The following NHSL1 variants were observed in gnomAD, a reference collection of about 807,000 sequenced individuals.
NHSL1 encodes NHS like 1, also known as NHS-like protein 1.
NHSL1 carries 48 observed loss-of-function variants against 95.0 expected under a neutral mutation model. The ratio of observed to expected loss-of-function variants is 0.51; its 90% confidence interval spans 0.40 to 0.64. The LOEUF is 0.64. Among genes scored for constraint, NHSL1 ranks in the 30% least tolerant of loss-of-function variants. The probability of loss-of-function intolerance (pLI) is 0.00; values close to 1 mark genes in which losing one functional copy is unlikely to be tolerated. For synonymous variants in NHSL1, 783 were observed against 833.9 expected (o/e 0.94, Z 1.05); for missense variants, 1,971 against 2,077.7 (o/e 0.95, Z 1.00).
At chr6:138,439,520 TG>T (rs1776394046) in intron 5 of NHSL1, among the ~76,000 whole-genome samples, 1 of 152,238 alleles carries the variant, frequency 6.6e-6, no homozygotes, top group African/African-American at 2.4e-5. Context: ...CCAGAAGTCC[TG>T]AAAGGACAGA....
chr6:138,577,869 C>T (rs975082072), intron 1 of NHSL1, among the ~76,000 whole-genome samples: 4 of 152,124 alleles, frequency 2.6e-5, no homozygotes, highest in Non-Finnish European at 5.9e-5. Context: ...AACAACCAAA[C>T]GGTATTACCC....
At chr6:138,602,771 C>T (rs989388031) in intron 1 of NHSL1, among the ~76,000 whole-genome samples, 1 of 152,158 alleles carries the variant, frequency 6.6e-6, no homozygotes, top group Non-Finnish European at 1.5e-5. Context: ...TAAAGAGAAT[C>T]CACTTGGAAC....
intron 1 of NHSL1, among the ~76,000 whole-genome samples, chr6:138,531,763 C>T (rs990733378): frequency 2.6e-5 from 4 of 152,166 alleles, no homozygotes; most frequent in African/African-American, 9.7e-5. Context: ...ATCTGCCTGC[C>T]TAGCCTTCTA....
At chr6:138,624,130 C>T (rs1784703656) in intron 1 of NHSL1, among the ~76,000 whole-genome samples, 1 of 152,098 alleles carries the variant, frequency 6.6e-6, no homozygotes, top group Non-Finnish European at 1.5e-5. Flanking sequence ...GAGGTACAAT[C>T]TTTGATGTTA....
intron 1 of NHSL1, among the ~76,000 whole-genome samples, chr6:138,690,319 CAA>C (rs1583482869): frequency 1.3e-5 from 2 of 152,162 alleles, no homozygotes; most frequent in East Asian, 3.9e-4. Flanking sequence ...CATAAAAAAG[CAA>C]AGTGTGTGAA....
chr6:138,575,960 C>CATTCATTT (rs1554254050), upstream of NHSL1, among the ~76,000 whole-genome samples: 14 of 144,710 alleles, frequency 9.7e-5, no homozygotes, highest in East Asian at 1.0e-3. Flanking sequence ...AAAATCCCTA[C>CATTCATTT]ATTTATTTAT....
At position 138,424,234 on chromosome 6, in the gene NHSL1, C is replaced by T. The variant is rs1775100629; in HGVS notation, c.4668G>A (p.Ala1556=). The part of the protein sequence containing the change: ...AAEGCSLDGL[A]REEMDEGGLL... ...GGCCGCCCTCGTCCATCTCCTCCCT[C>T]GCCAGTCCGTCCAGGGAACATCCCT... Residue 1556 remains alanine (A), a synonymous_variant, in exon 8 of 8, where the codon GCG becomes GCA. Coordinates refer to ENST00000343505, the MANE Select transcript of NHSL1 (RefSeq NM_001144060.2). The surrounding 1 kb of genome is among the most constrained non-coding windows in gnomAD (Gnocchi z 5.9). The T allele has an allele frequency of 6.0e-6, 9 of 1,507,168 alleles. No homozygotes were observed. The highest frequency in any genetic ancestry group is 8.0e-6 in the Non-Finnish European group (9 of 1,128,498). 93.4% of individuals were successfully genotyped at this position (1,507,168 alleles called of 1,614,324 possible). A position where few individuals can be genotyped will look rare whatever the true frequency, so the allele number is the denominator to read the frequency against.
intron 1 of NHSL1, among the ~76,000 whole-genome samples, chr6:138,504,576 G>A (rs1447053729): frequency 6.6e-6 from 1 of 152,182 alleles, no homozygotes; most frequent in Non-Finnish European, 1.5e-5. Context: ...ACAGCCCTGT[G>A]GGGAAAGGTG....
At chr6:138,447,815 T>G (rs970962693) in intron 3 of NHSL1, among the ~76,000 whole-genome samples, 5 of 152,322 alleles carry the variant, frequency 3.3e-5, no homozygotes, top group South Asian at 2.1e-4. Context: ...AGTTTAACAT[T>G]AGAAGCCTAG....
chr6:138,466,043 G>C (rs1040876498), intron 3 of NHSL1, among the ~76,000 whole-genome samples: 10 of 132,018 alleles, frequency 7.6e-5, no homozygotes, highest in Middle Eastern at 5.7e-3. Flanking sequence ...CTCCTTTTTG[G>C]GGGGGGGGCA....
At chr6:138,473,521 T>C (rs1165177339) in intron 2 of NHSL1, 88 bp from the exon 3 acceptor site, 17 of 1,281,782 alleles carry the variant, frequency 1.3e-5, no homozygotes, top group Non-Finnish European at 1.6e-5. Flanking sequence ...TCTTTTTTAC[T>C]TTTTAAAGTT....
chr6:138,692,854 G>C (rs1418764184), upstream of NHSL1, among the ~76,000 whole-genome samples: 1 of 150,620 alleles, frequency 6.6e-6, no homozygotes, highest in Non-Finnish European at 1.5e-5. The surrounding 1 kb of genome is among the most constrained non-coding windows in gnomAD (Gnocchi z 4.0). Context: ...GGAAGTCCCG[G>C]GCAGCGGCGG....
upstream of NHSL1, among the ~76,000 whole-genome samples, chr6:138,575,486 G>T (rs1315917197): frequency 6.6e-6 from 1 of 152,144 alleles, no homozygotes; most frequent in African/African-American, 2.4e-5. Context: ...CAGAAACTGT[G>T]CACCCACAAA....
chr6:138,603,620 GA>G (rs1387469714), intron 1 of NHSL1, among the ~76,000 whole-genome samples: 1 of 152,154 alleles, frequency 6.6e-6, no homozygotes, highest in Non-Finnish European at 1.5e-5. Context: ...AGACAAACTT[GA>G]AAATTACCAC....
intron 3 of NHSL1, among the ~76,000 whole-genome samples, chr6:138,458,625 G>A (rs758290681): frequency 2.0e-5 from 3 of 152,020 alleles, no homozygotes; most frequent in Non-Finnish European, 4.4e-5. Flanking sequence ...TCAGGAGATC[G>A]AGACCATCCT....
At chr6:138,452,820 CT>C (rs112050516) in intron 3 of NHSL1, among the ~76,000 whole-genome samples, 2 of 149,638 alleles carry the variant, frequency 1.3e-5, no homozygotes, top group South Asian at 2.1e-4. Flanking sequence ...TCTGTGCATT[CT>C]TTTTTTTTTC....
chr6:138,599,099 G>A (rs1784338666), intron 1 of NHSL1, among the ~76,000 whole-genome samples: 1 of 152,064 alleles, frequency 6.6e-6, no homozygotes, highest in African/African-American at 2.4e-5. Context: ...TCTTGACCCA[G>A]GCACAGAGTA....
At chr6:138,546,982 A>C (rs896217321), upstream of NHSL1, among the ~76,000 whole-genome samples, 1 of 152,216 alleles carries the variant, frequency 6.6e-6, no homozygotes, top group East Asian at 1.9e-4. Context: ...TTCCCCACAG[A>C]GACGTGAGTC....
chr6:138,643,681 T>G (rs1420118727), intron 1 of NHSL1, among the ~76,000 whole-genome samples: 2 of 152,210 alleles, frequency 1.3e-5, no homozygotes, highest in Non-Finnish European at 2.9e-5. Flanking sequence ...GGTACTATTT[T>G]AACAGAATTG....
Sources: gnomAD v4.1 joint callset for allele counts (sites outside exome capture counted in the v4.1 genomes callset) on GRCh38, gnomAD v4.1.1 for gene constraint, Gnocchi (gnomAD v3.1) non-coding constraint, MANE v1.5 for transcripts, NCBI Gene and HGNC (gene_info 2026-07-23, HGNC 2026-07-21) for gene names.